The following RORA variants were observed in gnomAD, a reference collection of about 807,000 sequenced individuals.
RORA encodes the protein nuclear receptor ROR-alpha.
RORA carries 7 observed loss-of-function variants against 69.5 expected under a neutral mutation model. The ratio of observed to expected loss-of-function variants is 0.10; its 90% CI spans 0.06 to 0.19. The LOEUF is 0.19. Among genes scored for constraint, RORA ranks in the 10% least tolerant of loss-of-function variants. RORA has a pLI of 1.00. For synonymous variants in RORA, 261 were observed against 240.8 expected, an observed-to-expected ratio of 1.08 and a Z score of -0.78; for missense variants, 457 against 663.0, an observed-to-expected ratio of 0.69 and a Z score of 3.41.
intron 1 of RORA, among the ~76,000 whole-genome samples, chr15:60,987,481 G>T (rs1894240166): frequency 6.6e-6 from 1 of 152,126 alleles, no homozygotes; most frequent in Non-Finnish European, 1.5e-5. Flanking sequence ...AAAATTCTGG[G>T]TCATAGTGAG....
chr15:60,497,378 A>C lies in RORA; in HGVS notation c.*77T>G. 7.4e-7 allele frequency: 1 copy of C among 1,346,692 alleles called. No individual in the cohort carries two copies. Among genetic ancestry groups the C allele is most frequent in the Non-Finnish European group, 1.0e-6 (1 of 953,656 alleles). 83.4% of individuals were successfully genotyped at this position (1,346,692 alleles called of 1,614,324 possible). On this transcript the variant is annotated 3_prime_UTR_variant, in exon 11 of 11. Transcript: ENST00000335670. ...CTCCAGGTCTGTGCAGGGCCATATA[A>C]AGTGTCTCGGTTAATTTTTTTGTTT... is the stretch of plus-strand genomic sequence containing the variant.
chr15:61,115,096 G>T (rs1475563090), intron 1 of RORA, among the ~76,000 whole-genome samples: 4 of 152,154 alleles, frequency 2.6e-5, no homozygotes, highest in Non-Finnish European at 5.9e-5. Flanking sequence ...TCTACCCCCA[G>T]TGAAGCCTAG....
chr15:60,625,819 A>C (rs1363632250), intron 2 of RORA, among the ~76,000 whole-genome samples: 1 of 152,268 alleles, frequency 6.6e-6, no homozygotes, highest in African/African-American at 2.4e-5. Context: ...TGGCTAAGGC[A>C]TAAGGCTTAC....
intron 1 of RORA, among the ~76,000 whole-genome samples, chr15:60,922,018 T>A (rs1299105585): frequency 6.6e-6 from 1 of 152,168 alleles, no homozygotes; most frequent in Non-Finnish European, 1.5e-5. Flanking sequence ...GCCAATTTTG[T>A]TTTATCTGCA....
chr15:60,989,971 T>A (rs1894323077), intron 1 of RORA, among the ~76,000 whole-genome samples: 1 of 152,120 alleles, frequency 6.6e-6, no homozygotes, highest in Non-Finnish European at 1.5e-5. Flanking sequence ...CTAAAAATTC[T>A]GTGATTAATT....
chr15:60,945,878 G>A (rs72752782), intron 1 of RORA, among the ~76,000 whole-genome samples: 36,924 of 152,106 alleles, frequency 0.24, 4,956 homozygotes, highest in Non-Finnish European at 0.3. Flanking sequence ...TTTAATCTAT[G>A]AGGCAGAATC....
intron 1 of RORA, among the ~76,000 whole-genome samples, chr15:60,680,494 A>G (rs999502533): frequency 7.9e-5 from 12 of 152,114 alleles, no homozygotes; most frequent in Non-Finnish European, 1.5e-4. Flanking sequence ...AATCTTCCCA[A>G]GAAAGCTGCT....
At chr15:60,677,390 C>A in intron 2 of RORA, 1 of 363,808 alleles carries the variant, frequency 2.7e-6, no homozygotes, top group Non-Finnish European at 5.7e-6. Flanking sequence ...GGAGGGACAG[C>A]CAACTGGAAC....
At chr15:60,588,343 G>A (rs1280546931) in intron 2 of RORA, among the ~76,000 whole-genome samples, 1 of 152,138 alleles carries the variant, frequency 6.6e-6, no homozygotes, top group Non-Finnish European at 1.5e-5. Flanking sequence ...CCATGACAGA[G>A]TATTCTTAGG....
chr15:60,689,529 C>T (rs1317260290), intron 1 of RORA, among the ~76,000 whole-genome samples: 4 of 151,756 alleles, frequency 2.6e-5, no homozygotes, highest in African/African-American at 9.7e-5. Context: ...AGTTGCATCC[C>T]CCAGAAAGAC....
intron 10 of RORA, among the ~76,000 whole-genome samples, chr15:60,497,830 G>A (rs1385022525): frequency 2.6e-5 from 4 of 152,008 alleles, no homozygotes; most frequent in African/African-American, 7.3e-5. Flanking sequence ...AGGCCGAGGC[G>A]GTTGGATTGC....
intron 2 of RORA, among the ~76,000 whole-genome samples, chr15:60,603,068 C>A (rs897938264): frequency 6.6e-6 from 1 of 152,198 alleles, no homozygotes; most frequent in Non-Finnish European, 1.5e-5. Flanking sequence ...TAGCATAAAG[C>A]ATTTGAGATT....
In RORA at chr15:60,937,509, T is replaced by A. The variant is rs187661460; in HGVS notation, c.167-258823A>T. On this transcript the variant is annotated intron_variant, in intron 1 of 10. Coordinates refer to ENST00000335670, the MANE Select transcript of RORA (RefSeq NM_134261.3). ...GATTTCCTGAAACTGGGTGAGATCA[T>A]TCAGTTCAAAGCCTGCACAATTCTG... 6.9e-4 allele frequency among the ~76,000 whole-genome samples: 105 copies of A among 152,300 alleles called. 1 individual carries two copies. The highest frequency in any genetic ancestry group is 6.8e-3 in the Middle Eastern group (2 of 294).
chr15:61,109,871 T>A (rs528641036), intron 1 of RORA, among the ~76,000 whole-genome samples: 1 of 152,358 alleles, frequency 6.6e-6, no homozygotes, highest in African/African-American at 2.4e-5. Flanking sequence ...TATGGCATTC[T>A]AAGTACTAAT....
At chr15:60,939,980 A>T (rs939864895) in intron 1 of RORA, among the ~76,000 whole-genome samples, 1 of 152,356 alleles carries the variant, frequency 6.6e-6, no homozygotes, top group East Asian at 1.9e-4. Flanking sequence ...GTGGTAAATT[A>T]CATTACAGAA....
intron 1 of RORA, among the ~76,000 whole-genome samples, chr15:61,068,979 G>A (rs1197174538): frequency 1.3e-5 from 2 of 152,270 alleles, no homozygotes; most frequent in South Asian, 2.1e-4. Context: ...ATTCAGGGTG[G>A]GTCTTCTTTT....
intron 1 of RORA, among the ~76,000 whole-genome samples, chr15:61,201,498 T>C (rs1462488831): frequency 6.6e-6 from 1 of 152,238 alleles, no homozygotes; most frequent in Non-Finnish European, 1.5e-5. Flanking sequence ...TTTCATTCCC[T>C]GACAGTAATT....
intron 1 of RORA, among the ~76,000 whole-genome samples, chr15:60,935,677 C>G (rs1892499662): frequency 6.6e-6 from 1 of 152,186 alleles, no homozygotes; most frequent in South Asian, 2.1e-4. Flanking sequence ...CCTTGAGGCC[C>G]AAACAGAGAA....
At chr15:60,727,814 G>T (rs2071380344) in intron 1 of RORA, among the ~76,000 whole-genome samples, 1 of 152,158 alleles carries the variant, frequency 6.6e-6, no homozygotes, top group South Asian at 2.1e-4. Context: ...TTTCAATGGG[G>T]CACCTGCCTG....
Sources: allele counts gnomAD v4.1 joint callset (sites outside exome capture counted in the v4.1 genomes callset), GRCh38; gene constraint gnomAD v4.1.1; transcripts MANE v1.5; gene names NCBI Gene and HGNC (gene_info 2026-07-23, HGNC 2026-07-21).